The following CTNND2 variants were observed in gnomAD, a reference collection of about 807,000 sequenced individuals.
CTNND2 encodes catenin delta-2.
CTNND2 carries 22 observed loss-of-function variants against 144.4 expected under a neutral mutation model. The observed-to-expected ratio is 0.15, with a 90% CI of 0.11 to 0.22. CTNND2 has a LOEUF of 0.22. Among genes scored for constraint, CTNND2 ranks in the 10% least tolerant of loss-of-function variants. The probability of loss-of-function intolerance (pLI) is 1.00; values close to 1 mark genes in which losing one functional copy is unlikely to be tolerated. For missense variants in CTNND2, 1,353 were observed against 1,618.8 expected (o/e 0.84, Z 2.82); for synonymous variants, 751 against 695.6 (o/e 1.08, Z -1.25).
At chr5:11,506,298 T>G (rs781230892) in intron 3 of CTNND2, among the ~76,000 whole-genome samples, 1 of 152,176 alleles carries the variant, frequency 6.6e-6, no homozygotes, top group South Asian at 2.1e-4. Flanking sequence ...GTTACTTAAC[T>G]AAGACGCTTT....
chr5:11,565,298 T>G (rs191352882), intron 2 of CTNND2, among the ~76,000 whole-genome samples: 172 of 152,352 alleles, frequency 1.1e-3, no homozygotes, highest in African/African-American at 4.0e-3. Flanking sequence ...CTTAAATACT[T>G]ATTTAATAAG....
intron 3 of CTNND2, among the ~76,000 whole-genome samples, chr5:11,436,088 G>A (rs1182571030): frequency 6.6e-6 from 1 of 152,024 alleles, no homozygotes; most frequent in African/African-American, 2.4e-5. Flanking sequence ...TTTGCTTCCT[G>A]AGCGCTTGCT....
intron 9 of CTNND2, among the ~76,000 whole-genome samples, chr5:11,332,333 G>A (rs1372826682): frequency 1.3e-5 from 2 of 151,454 alleles, no homozygotes; most frequent in Non-Finnish European, 2.9e-5. Flanking sequence ...GGGAGGCACT[G>A]TTTTGAAAGG....
intron 16 of CTNND2, among the ~76,000 whole-genome samples, chr5:11,066,125 C>T (rs1330457947): frequency 2.0e-5 from 3 of 151,788 alleles, no homozygotes; most frequent in Admixed American, 6.6e-5. Context: ...CTGCAACCTC[C>T]GTCTCCTGGG....
chr5:11,539,774 C>A (rs1774560241), intron 3 of CTNND2, among the ~76,000 whole-genome samples: 2 of 152,204 alleles, frequency 1.3e-5, no homozygotes, highest in South Asian at 4.1e-4. Flanking sequence ...TGGCTCATGC[C>A]TGTAATCCCA....
At chr5:11,230,135 C>T (rs1053679578) in intron 10 of CTNND2, among the ~76,000 whole-genome samples, 78 of 143,088 alleles carry the variant, frequency 5.5e-4, no homozygotes, top group African/African-American at 1.9e-3. Flanking sequence ...CCAAACACCA[C>T]ATATTCTCAC....
At chr5:11,843,743 T>A (rs1794601397) in intron 1 of CTNND2, among the ~76,000 whole-genome samples, 1 of 152,216 alleles carries the variant, frequency 6.6e-6, no homozygotes, top group African/African-American at 2.4e-5. Context: ...AAATGTTAAA[T>A]AATTATTTAT....
At chr5:11,706,665 T>C (rs1266647397) in intron 2 of CTNND2, among the ~76,000 whole-genome samples, 2 of 152,212 alleles carry the variant, frequency 1.3e-5, no homozygotes, top group African/African-American at 4.8e-5. Context: ...ATCAGTAGAA[T>C]CACACATAGC....
Position 10,988,387 on chromosome 5 carries a change from T to C in CTNND2, c.3212-145A>G, listed in dbSNP as rs989436639. ...GATGGGTTTTCTTTTTAATTTTTATTTTTTGGCAGTTTTGGCTCTTGTCCC... is the reference window on the plus strand; with the variant it reads ...GATGGGTTTTCTTTTTAATTTTTATCTTTTGGCAGTTTTGGCTCTTGTCCC... On this transcript the variant is annotated intron_variant, in intron 19 of 21. Coordinates refer to ENST00000304623, the MANE Select transcript of CTNND2 (RefSeq NM_001332.4). The surrounding 1 kb of genome is among the most constrained non-coding windows in gnomAD (Gnocchi z 5.9). 1.0e-6 allele frequency: 1 copy of C among 998,488 alleles called. No individual in the cohort carries two copies. Among genetic ancestry groups the C allele is most frequent in the Non-Finnish European group, 1.4e-6 (1 of 701,254 alleles). The allele number at this position is 998,488 out of a possible 1,614,324, so 61.9% of individuals were successfully genotyped here. A position where few individuals can be genotyped will look rare whatever the true frequency, so the allele number is the denominator to read the frequency against.
At chr5:11,445,913 G>C (rs1764757794) in intron 3 of CTNND2, among the ~76,000 whole-genome samples, 1 of 152,132 alleles carries the variant, frequency 6.6e-6, no homozygotes, top group Non-Finnish European at 1.5e-5. Flanking sequence ...ATAGATATTT[G>C]GACACAGACA....
intron 9 of CTNND2, among the ~76,000 whole-genome samples, chr5:11,250,489 C>CTATATATATATA (rs1161027337): frequency 1.5e-5 from 1 of 68,054 alleles, no homozygotes; most frequent in Non-Finnish European, 2.5e-5. Flanking sequence ...CTCTCTCTCT[C>CTATATATATATA]TCTATATATA....
intron 1 of CTNND2, among the ~76,000 whole-genome samples, chr5:11,821,545 A>T (rs1793313419): frequency 6.6e-6 from 1 of 152,116 alleles, no homozygotes; most frequent in Admixed American, 6.5e-5. Flanking sequence ...AAAAAAAAAA[A>T]TTTCATCTGA....
intron 2 of CTNND2, among the ~76,000 whole-genome samples, chr5:11,723,869 G>A (rs1286498816): frequency 6.6e-6 from 1 of 151,856 alleles, no homozygotes; most frequent in Non-Finnish European, 1.5e-5. Flanking sequence ...TTCCTGGCTA[G>A]CACAGTGAAA....
chr5:11,519,147 C>A (rs1772484602), intron 3 of CTNND2, among the ~76,000 whole-genome samples: 1 of 152,154 alleles, frequency 6.6e-6, no homozygotes, highest in Admixed American at 6.6e-5. Flanking sequence ...TAGTTCATCT[C>A]AACATGCCTA....
intron 3 of CTNND2, among the ~76,000 whole-genome samples, chr5:11,495,121 C>T (rs1581335133): frequency 6.6e-6 from 1 of 152,110 alleles, no homozygotes; most frequent in African/African-American, 2.4e-5. Context: ...AGTGTGGCTA[C>T]TTTAGTTGTC....
intron 2 of CTNND2, among the ~76,000 whole-genome samples, chr5:11,724,035 A>G (rs1453596160): frequency 2.0e-5 from 3 of 150,590 alleles, no homozygotes; most frequent in Non-Finnish European, 2.9e-5. Flanking sequence ...AGCCTGGGCG[A>G]CAGAGCAAGG....
chr5:11,194,050 G>T (rs1736609974), intron 11 of CTNND2, among the ~76,000 whole-genome samples: 4 of 152,192 alleles, frequency 2.6e-5, no homozygotes, highest in African/African-American at 9.7e-5. Flanking sequence ...TAATGGAATA[G>T]AGAAGAGAAT....
chr5:11,466,064 C>A (rs11749089), intron 3 of CTNND2, among the ~76,000 whole-genome samples: 25 of 152,144 alleles, frequency 1.6e-4, no homozygotes, highest in Non-Finnish European at 3.1e-4. Flanking sequence ...GACTGGAGTA[C>A]AGTAGTATGA....
intron 2 of CTNND2, among the ~76,000 whole-genome samples, chr5:11,632,882 C>T (rs1781486749): frequency 6.6e-6 from 1 of 152,060 alleles, no homozygotes; most frequent in Non-Finnish European, 1.5e-5. Flanking sequence ...AGGGAATCCA[C>T]AGTAAAGTTA....
Sources: gnomAD v4.1 joint callset for allele counts (sites outside exome capture counted in the v4.1 genomes callset) on GRCh38, gnomAD v4.1.1 for gene constraint, Gnocchi (gnomAD v3.1) non-coding constraint, MANE v1.5 for transcripts, NCBI Gene and HGNC (gene_info 2026-07-23, HGNC 2026-07-21) for gene names.